EYA2: variants seen among roughly 807,000 people sequenced by gnomAD.
EYA2 encodes protein phosphatase EYA2.
EYA2 carries 31 observed loss-of-function variants against 69.2 expected under a neutral mutation model. The ratio of observed to expected loss-of-function variants is 0.45; its 90% CI spans 0.34 to 0.60. The LOEUF is 0.60. Ranked by LOEUF, EYA2 falls within the 20% of genes least tolerant of loss-of-function variation. The pLI, the probability that EYA2 is intolerant of heterozygous loss-of-function variation, is 0.02. For synonymous variants in EYA2, 257 were observed against 279.4 expected (o/e 0.92, Z 0.80); for missense variants, 622 against 701.2 (o/e 0.89, Z 1.28).
chr20:47,078,547 C>T (rs1354427765), intron 7 of EYA2, among the ~76,000 whole-genome samples: 1 of 152,206 alleles, frequency 6.6e-6, no homozygotes, highest in East Asian at 1.9e-4. Context: ...CCCCATGCAC[C>T]CCATCCTCGC....
intron 10 of EYA2, among the ~76,000 whole-genome samples, chr20:47,166,396 A>T (rs1250817566): frequency 4.1e-5 from 3 of 72,574 alleles, no homozygotes; most frequent in African/African-American, 3.1e-4. Flanking sequence ...GACTGTCTAA[A>T]AAAAAAAAAA....
chr20:47,121,800 A>G (rs1052973799), intron 9 of EYA2, among the ~76,000 whole-genome samples: 2 of 152,088 alleles, frequency 1.3e-5, no homozygotes, highest in South Asian at 2.1e-4. Context: ...GCCCAAGACT[A>G]CCACGCTGGG....
At chr20:47,186,504 T>C (rs987303595) in intron 15 of EYA2, among the ~76,000 whole-genome samples, 1 of 151,878 alleles carries the variant, frequency 6.6e-6, no homozygotes, top group Non-Finnish European at 1.5e-5. Flanking sequence ...GGATTACAGG[T>C]GGCCACCACC....
rs3092382 is a variant in EYA2, at chr20:46,984,381, G to GA, written c.-10-5608dup. Among the ~76,000 whole-genome samples, 122 of 148,300 alleles carry GA rather than the reference G, an allele frequency of 8.2e-4. No individual in the cohort carries two copies. In the Middle Eastern group the frequency reaches 0.01, roughly 13 times the overall value. ...GTAATGCACTCCAGCAAATCAGTAA[G>GA]AAAAAAAAAAAATAGAAAACCCAGT... On this transcript the variant is annotated intron_variant, in intron 1 of 15. Coordinates refer to ENST00000327619, the MANE Select transcript of EYA2 (RefSeq NM_005244.5).
At chr20:47,030,440 C>T (rs1984341762) in intron 5 of EYA2, among the ~76,000 whole-genome samples, 1 of 152,234 alleles carries the variant, frequency 6.6e-6, no homozygotes, top group African/African-American at 2.4e-5. Context: ...AGCAAACATT[C>T]ACCAGCGTAG....
chr20:47,009,958 G>A (rs1252118216), intron 4 of EYA2, among the ~76,000 whole-genome samples: 1 of 152,100 alleles, frequency 6.6e-6, no homozygotes, highest in Non-Finnish European at 1.5e-5. Flanking sequence ...ATGTATCCCT[G>A]TTCATACAAG....
rs73303604 is a variant in EYA2, at chr20:46,900,550, A to G, written c.-11+5563A>G. On this transcript the variant is annotated intron_variant, in intron 1 of 15. Coordinates refer to ENST00000327619, the MANE Select transcript of EYA2 (RefSeq NM_005244.5). The stretch of plus-strand genomic sequence containing the variant: ...CAGCAAGAAGCTATGCTGAAAACAT[A>G]TACACTTCTGTTTAAGAAATGAGAA... Among the ~76,000 whole-genome samples, 1,108 of 152,304 alleles carry G rather than the reference A, an allele frequency of 7.3e-3. 19 individuals carry two copies. The highest frequency in any genetic ancestry group is 0.025 in the African/African-American group (1,043 of 41,580).
intron 10 of EYA2, among the ~76,000 whole-genome samples, chr20:47,152,294 G>A (rs1178971619): frequency 6.6e-6 from 1 of 151,696 alleles, no homozygotes; most frequent in Non-Finnish European, 1.5e-5. Context: ...CCTCCACGCT[G>A]TACACATACC....
chr20:47,140,451 G>A (rs1053751826), intron 9 of EYA2, among the ~76,000 whole-genome samples: 19 of 151,258 alleles, frequency 1.3e-4, no homozygotes, highest in Middle Eastern at 3.4e-3. Context: ...TTTTTTTAAG[G>A]GTCAAAAAGG....
chr20:47,061,408 G>A lies in EYA2; in HGVS notation c.416-10777G>A, dbSNP rs149567841. ...TAGCTGGGCATGGTGTCATGTGCCC[G>A]TAGTCCCAGCTACTCGGGCGGCCAA... On this transcript the variant is annotated intron_variant, in intron 5 of 15. Transcript: ENST00000327619. Among the ~76,000 whole-genome samples, 43 of 152,166 alleles carry A rather than the reference G, an allele frequency of 2.8e-4. No individual in the cohort carries two copies. In the East Asian group the frequency reaches 6.2e-3, roughly 22 times the overall value.
At chr20:47,094,714 TAAAG>T (rs1568774720) in intron 8 of EYA2, among the ~76,000 whole-genome samples, 1 of 151,690 alleles carries the variant, frequency 6.6e-6, no homozygotes, top group Non-Finnish European at 1.5e-5. Flanking sequence ...ACCAGAAAAA[TAAAG>T]AAAATCAACA....
intron 15 of EYA2, among the ~76,000 whole-genome samples, chr20:47,184,628 G>T (rs1248172106): frequency 6.6e-6 from 1 of 150,524 alleles, no homozygotes; most frequent in African/African-American, 2.5e-5. Flanking sequence ...TTGCCATGTT[G>T]CCTGGGCTGG....
intron 4 of EYA2, among the ~76,000 whole-genome samples, chr20:47,009,204 TAC>T (rs1028749216): frequency 6.6e-6 from 1 of 151,960 alleles, no homozygotes; most frequent in Non-Finnish European, 1.5e-5. Context: ...CACACACACA[TAC>T]ACACACACAG....
intron 1 of EYA2, among the ~76,000 whole-genome samples, chr20:46,911,231 TTG>T (rs140564632): frequency 0.17 from 24,917 of 147,664 alleles, 2,149 homozygotes; most frequent in Non-Finnish European, 0.19. Flanking sequence ...GCTGGATAAT[TTG>T]TGTGTGTGTG....
chr20:47,053,365 C>T (rs557806570), intron 5 of EYA2, among the ~76,000 whole-genome samples: 15 of 152,258 alleles, frequency 9.9e-5, no homozygotes, highest in African/African-American at 3.6e-4. Flanking sequence ...CTACTTCATT[C>T]ATAAAAAGAG....
At chr20:46,923,368 A>C (rs1418897505) in intron 1 of EYA2, among the ~76,000 whole-genome samples, 1 of 152,238 alleles carries the variant, frequency 6.6e-6, no homozygotes, top group Non-Finnish European at 1.5e-5. Context: ...CTGACTTAAA[A>C]AACAAACAAA....
At chr20:47,155,263 C>T (rs2033900495) in intron 10 of EYA2, among the ~76,000 whole-genome samples, 1 of 152,034 alleles carries the variant, frequency 6.6e-6, no homozygotes, top group African/African-American at 2.4e-5. Context: ...TAGCAACAAG[C>T]AACCACATGA....
At chr20:47,173,466 T>C (rs1455374469) in intron 12 of EYA2, among the ~76,000 whole-genome samples, 1 of 128,000 alleles carries the variant, frequency 7.8e-6, no homozygotes, top group Non-Finnish European at 1.5e-5. Flanking sequence ...TGACCCAAGA[T>C]TACACCACTG....
intron 10 of EYA2, chr20:47,161,392 C>T: frequency 2.4e-6 from 1 of 417,062 alleles, no homozygotes. Context: ...TGCTTTTGTA[C>T]TGGCATGATC....
Sources: allele counts gnomAD v4.1 joint callset (sites outside exome capture counted in the v4.1 genomes callset), GRCh38; gene constraint gnomAD v4.1.1; transcripts MANE v1.5; gene names NCBI Gene and HGNC (gene_info 2026-07-23, HGNC 2026-07-21).